CECR2: variants seen among roughly 807,000 people sequenced by gnomAD.
The protein encoded by CECR2 is CECR2 histone acetyl-lysine reader, also known as chromatin remodeling regulator CECR2.
Under a neutral mutation model 154.5 loss-of-function variants are expected in CECR2, and 30 were observed. That is an observed-to-expected ratio of 0.19 (90% CI 0.15 to 0.26). The LOEUF (loss-of-function observed/expected upper bound fraction) is 0.26. Ranked by LOEUF, CECR2 falls within the 10% of genes least tolerant of loss-of-function variation. The probability of loss-of-function intolerance (pLI) is 1.00; values close to 1 mark genes in which losing one functional copy is unlikely to be tolerated. For synonymous variants in CECR2, 725 were observed against 683.7 expected, an observed-to-expected ratio of 1.06 and a Z score of -0.94; for missense variants, 1,743 against 1,829.3, an observed-to-expected ratio of 0.95 and a Z score of 0.86.
At position 17,548,707 on chromosome 22, in the gene CECR2, G is replaced by C; in HGVS notation, c.3420G>C (p.Gln1140His). The C allele has an allele frequency of 6.2e-7, 1 of 1,613,684 alleles. No homozygotes were observed. Among genetic ancestry groups the C allele is most frequent in the Non-Finnish European group, 8.5e-7 (1 of 1,179,766 alleles). ...AAHYHISPGL[Q>H]GVGPVMGGKS... Reference sequence around the variant, plus strand: ...ATTACCACATCAGTCCAGGCCTGCAGGGTGTGGGCCCTGTGATGGGAGGGA... The same window carrying C: ...ATTACCACATCAGTCCAGGCCTGCACGGTGTGGGCCCTGTGATGGGAGGGA... Residue 1140 changes from glutamine to histidine, a missense_variant, in exon 17 of 19, where the codon CAG (glutamine) becomes CAC (histidine). This residue lies in a region of CECR2 where 1,250 missense variants were observed against 1,192.1 expected (regional missense o/e 1.05). Transcript: ENST00000262608.
chr22:17,367,518 T>G (rs569420900), upstream of CECR2, among the ~76,000 whole-genome samples: 403 of 152,206 alleles, frequency 2.6e-3, 3 homozygotes, highest in African/African-American at 9.2e-3. Context: ...CCCGAGTAGC[T>G]GGGACTACGG....
chr22:17,360,448 G>A (rs1285073925), intron 1 of CECR2, among the ~76,000 whole-genome samples: 2 of 152,164 alleles, frequency 1.3e-5, no homozygotes, highest in African/African-American at 2.4e-5. Context: ...TTGAGAGGCC[G>A]AGGCCGGCAG....
Position 17,500,769 on chromosome 22 carries a change from A to G in CECR2, c.650+34A>G. 4 of 1,386,454 alleles carry G rather than the reference A, an allele frequency of 2.9e-6. No homozygotes were observed. The South Asian group carries it at 4.0e-5, about 14-fold the overall frequency. The allele number at this position is 1,386,454 out of a possible 1,614,324, so 85.9% of individuals were successfully genotyped here. A position where few individuals can be genotyped will look rare whatever the true frequency, so the allele number is the denominator to read the frequency against. On this transcript the variant is annotated intron_variant, in intron 5 of 18. Transcript: ENST00000262608. ...ATCTTGTTAGTTGTGGTCATAGACC[A>G]TGGCAGAAGGGACCTTAATTCATTT...
chr22:17,451,578 A>G (rs541759772), intron 1 of CECR2, among the ~76,000 whole-genome samples: 29 of 152,140 alleles, frequency 1.9e-4, no homozygotes, highest in South Asian at 1.2e-3. Context: ...CTCCATTCCA[A>G]CCTCACAGGA....
intron 2 of CECR2, among the ~76,000 whole-genome samples, chr22:17,481,783 G>A: frequency 6.6e-6 from 1 of 152,120 alleles, no homozygotes; most frequent in East Asian, 1.9e-4. Context: ...TGGTGATGCT[G>A]GTGTAAACAA....
chr22:17,458,515 T>G (rs150660558), intron 1 of CECR2, among the ~76,000 whole-genome samples: 1 of 151,872 alleles, frequency 6.6e-6, no homozygotes, highest in Non-Finnish European at 1.5e-5. Context: ...ATTGTGAGTT[T>G]TTTTTTTCTT....
chr22:17,414,854 G>T (rs917017109), intron 1 of CECR2, among the ~76,000 whole-genome samples: 2 of 152,172 alleles, frequency 1.3e-5, no homozygotes, highest in African/African-American at 4.8e-5. Flanking sequence ...GAGCCTGTGT[G>T]TGATTTATCT....
intron 7 of CECR2, among the ~76,000 whole-genome samples, chr22:17,509,710 G>T (rs2055907965): frequency 6.6e-6 from 1 of 152,142 alleles, no homozygotes; most frequent in Non-Finnish European, 1.5e-5. Flanking sequence ...TCAATGTACA[G>T]AGCATAGTAT....
intron 1 of CECR2, among the ~76,000 whole-genome samples, chr22:17,408,762 G>A: frequency 6.6e-6 from 1 of 152,172 alleles, no homozygotes; most frequent in East Asian, 1.9e-4. Context: ...CACCTACCTT[G>A]TATTACCTTG....
intron 1 of CECR2, among the ~76,000 whole-genome samples, chr22:17,425,903 A>G (rs5992050): frequency 9.9e-4 from 151 of 152,378 alleles, no homozygotes; most frequent in African/African-American, 3.5e-3. Flanking sequence ...ATTGGTGAAT[A>G]GTTCAAAATG....
chr22:17,505,615 C>T (rs2146901337), intron 7 of CECR2, among the ~76,000 whole-genome samples: 1 of 139,924 alleles, frequency 7.1e-6, no homozygotes, highest in Non-Finnish European at 1.5e-5. Flanking sequence ...TTCACTGCAA[C>T]CTCTGCCTTC....
At chr22:17,381,911 G>A (rs1601253275) in intron 1 of CECR2, among the ~76,000 whole-genome samples, 2 of 150,464 alleles carry the variant, frequency 1.3e-5, no homozygotes, top group East Asian at 3.9e-4. Flanking sequence ...TTTTTGAGAC[G>A]GAGTCTCACT....
At chr22:17,430,232 A>G (rs1161589967) in intron 1 of CECR2, among the ~76,000 whole-genome samples, 2 of 152,182 alleles carry the variant, frequency 1.3e-5, no homozygotes, top group Non-Finnish European at 2.9e-5. Context: ...AAACTTCAGT[A>G]CAGTTCTATA....
chr22:17,505,445 A>C (rs1160910641), intron 7 of CECR2, among the ~76,000 whole-genome samples: 1 of 151,786 alleles, frequency 6.6e-6, no homozygotes, highest in East Asian at 1.9e-4. Flanking sequence ...ATTCAGGGCA[A>C]GCTATAGTCT....
chr22:17,552,918 T>C lies in CECR2; in HGVS notation c.*78T>C. 1 of 1,529,830 alleles carries C rather than the reference T, an allele frequency of 6.5e-7. No homozygotes were observed. Among genetic ancestry groups the C allele is most frequent in the African/African-American group, 1.4e-5 (1 of 71,478 alleles). 94.8% of individuals were successfully genotyped at this position (1,529,830 alleles called of 1,614,324 possible). On this transcript the variant is annotated 3_prime_UTR_variant, in exon 19 of 19. Transcript: ENST00000262608. ...ATGTGGAGAACTGGGGAGTGCCCTGTCAGCTCTATTCCCATCACCTGCTCC... is the reference window on the plus strand; with the variant it reads ...ATGTGGAGAACTGGGGAGTGCCCTGCCAGCTCTATTCCCATCACCTGCTCC...
Position 17,482,856 on chromosome 22 carries a change from T to G in CECR2, c.221+5174T>G, listed in dbSNP as rs1185319081. The stretch of plus-strand genomic sequence containing the variant: ...CCACCACACCTTGCTACTTTTTTTG[T>G]ATTTTTAGTAGAGACGGAGTTTCAC... On this transcript the variant is annotated intron_variant, in intron 2 of 18. Coordinates refer to ENST00000262608, the MANE Select transcript of CECR2 (RefSeq NM_001290047.2). 3.3e-5 allele frequency among the ~76,000 whole-genome samples: 5 copies of G among 151,784 alleles called. No homozygotes were observed. The East Asian group carries it at 5.8e-4, about 18-fold the overall frequency.
intron 1 of CECR2, among the ~76,000 whole-genome samples, chr22:17,446,927 A>G (rs1414643747): frequency 7.4e-6 from 1 of 134,510 alleles, no homozygotes; most frequent in Non-Finnish European, 1.5e-5. Flanking sequence ...TTTACAGAAC[A>G]CTGGTGCATT....
rs563425151 is a variant in CECR2 at position 17,551,001 on chromosome 22, T to C, written c.4278-1030T>C. ...CAGTACCATTCAGCATAAAAACCAGTGTTCCCCTCCTCAGTGCCATCCTGT... is the reference window on the plus strand; with the variant it reads ...CAGTACCATTCAGCATAAAAACCAGCGTTCCCCTCCTCAGTGCCATCCTGT... On this transcript the variant is annotated intron_variant, in intron 17 of 18. Coordinates refer to ENST00000262608, the MANE Select transcript of CECR2 (RefSeq NM_001290047.2). Among the ~76,000 whole-genome samples, 6 of 152,266 alleles carry C rather than the reference T, an allele frequency of 3.9e-5. No individual in the cohort carries two copies. The South Asian group carries it at 1.2e-3, about 32-fold the overall frequency.
chr22:17,529,621 A>C (rs1601521797), intron 9 of CECR2, among the ~76,000 whole-genome samples: 1 of 150,924 alleles, frequency 6.6e-6, no homozygotes, highest in Admixed American at 6.6e-5. Flanking sequence ...AATGGCGTGA[A>C]CCCGGGAGGC....
Sources: allele counts gnomAD v4.1 joint callset (sites outside exome capture counted in the v4.1 genomes callset), GRCh38; gene constraint gnomAD v4.1.1; regional missense constraint gnomAD v4.1.1; transcripts MANE v1.5; gene names NCBI Gene and HGNC (gene_info 2026-07-23, HGNC 2026-07-21).